FOXO3: variants seen among roughly 807,000 people sequenced by gnomAD.
FOXO3 encodes forkhead box protein O3.
FOXO3 carries 4 observed loss-of-function variants against 41.9 expected under a neutral mutation model. The ratio of observed to expected loss-of-function variants is 0.10; its 90% confidence interval spans 0.05 to 0.22. FOXO3 has a LOEUF of 0.22. FOXO3 is among the 10% of genes least tolerant of loss of function. The probability of loss-of-function intolerance (pLI) is 1.00; values close to 1 mark genes in which losing one functional copy is unlikely to be tolerated. For missense variants in FOXO3, 534 were observed against 906.8 expected, an observed-to-expected ratio of 0.59 and a Z score of 5.28; for synonymous variants, 318 against 389.3, an observed-to-expected ratio of 0.82 and a Z score of 2.16.
chr6:108,587,984 C>T (rs1029679529), intron 1 of FOXO3, among the ~76,000 whole-genome samples: 2 of 152,212 alleles, frequency 1.3e-5, no homozygotes, highest in African/African-American at 2.4e-5. Context: ...GTCTGTGTAG[C>T]GTCCTTCCTA....
chr6:108,655,822 C>T (rs1283997920), intron 1 of FOXO3, among the ~76,000 whole-genome samples: 1 of 152,084 alleles, frequency 6.6e-6, no homozygotes. Flanking sequence ...TTGGGCTGTT[C>T]AAAAAACCTT....
At chr6:108,638,235 T>G (rs575923865) in intron 1 of FOXO3, among the ~76,000 whole-genome samples, 1 of 152,208 alleles carries the variant, frequency 6.6e-6, no homozygotes, top group Non-Finnish European at 1.5e-5. Context: ...CCCCACAGAC[T>G]CTTGGTAGGG....
At chr6:108,653,778 A>C (rs1190787686) in intron 1 of FOXO3, among the ~76,000 whole-genome samples, 1 of 152,246 alleles carries the variant, frequency 6.6e-6, no homozygotes, top group Non-Finnish European at 1.5e-5. Context: ...AAAAAGGTGC[A>C]GCCTTATTTT....
chr6:108,641,157 A>G (rs1185508927), intron 1 of FOXO3, among the ~76,000 whole-genome samples: 1 of 152,076 alleles, frequency 6.6e-6, no homozygotes, highest in South Asian at 2.1e-4. Flanking sequence ...CGATCTGCCC[A>G]CCTTGGCCTC....
rs907508138 is a variant in FOXO3 at position 108,682,880 on chromosome 6, A to G, written c.*3088A>G. 15 of 152,642 alleles carry G rather than the reference A, an allele frequency of 9.8e-5. No homozygotes were observed. The highest frequency in any genetic ancestry group is 9.8e-4 in the Admixed American group (15 of 15,288). 9.5% of individuals were successfully genotyped at this position (152,642 alleles called of 1,614,324 possible). The stretch of plus-strand genomic sequence containing the variant: ...GGGAGCCGCCTACTTTTTGATGAGA[A>G]ATTAGAAGAGTACCTAATGTTGAAA... On this transcript the variant is annotated 3_prime_UTR_variant, in exon 3 of 3. Coordinates refer to ENST00000406360, the MANE Select transcript of FOXO3 (RefSeq NM_001455.4).
Position 108,682,821 on chromosome 6 carries a change from G to A in FOXO3, c.*3029G>A, listed in dbSNP as rs1374610213. 6.6e-6 allele frequency: 1 copy of A among 152,478 alleles called. No homozygotes were observed. 9.4% of individuals were successfully genotyped at this position (152,478 alleles called of 1,614,324 possible). On this transcript the variant is annotated 3_prime_UTR_variant, in exon 3 of 3. Coordinates refer to ENST00000406360, the MANE Select transcript of FOXO3 (RefSeq NM_001455.4). ...GTTTGATTTATGATGAGAACTATCC[G>A]AGGCCACCCTTGGCCTCTAAATAAG...
At chr6:108,661,438 G>A (rs1435130337) in intron 1 of FOXO3, among the ~76,000 whole-genome samples, 1 of 152,054 alleles carries the variant, frequency 6.6e-6, no homozygotes, top group Non-Finnish European at 1.5e-5. Flanking sequence ...TGGCCTGCAG[G>A]TACTGTTCCG....
At chr6:108,662,878 A>G (rs1778909364) in intron 1 of FOXO3, among the ~76,000 whole-genome samples, 1 of 152,194 alleles carries the variant, frequency 6.6e-6, no homozygotes, top group African/African-American at 2.4e-5. Flanking sequence ...AATTACAGAA[A>G]GGCCAGGAAT....
At chr6:108,667,372 T>C (rs1481826831) in intron 2 of FOXO3, among the ~76,000 whole-genome samples, 1 of 152,234 alleles carries the variant, frequency 6.6e-6, no homozygotes, top group Non-Finnish European at 1.5e-5. Flanking sequence ...TGTTTGGCTT[T>C]TAAAAGAATA....
intron 1 of FOXO3, among the ~76,000 whole-genome samples, chr6:108,614,853 T>G (rs192466415): frequency 1.7e-4 from 26 of 152,260 alleles, no homozygotes; most frequent in Middle Eastern, 3.4e-3. Flanking sequence ...CCCCTTTTCT[T>G]GCCTTCTCTT....
chr6:108,591,755 G>A (rs1776738123), intron 1 of FOXO3, among the ~76,000 whole-genome samples: 1 of 152,118 alleles, frequency 6.6e-6, no homozygotes, highest in Non-Finnish European at 1.5e-5. Context: ...TGTTTCTGAA[G>A]CCGAGATTTT....
At chr6:108,662,119 C>T (rs1778884125) in intron 1 of FOXO3, among the ~76,000 whole-genome samples, 1 of 152,082 alleles carries the variant, frequency 6.6e-6, no homozygotes, top group Non-Finnish European at 1.5e-5. Context: ...GTCATATCTC[C>T]TTAGGCTCTT....
rs1775764371 is a variant in FOXO3, at chr6:108,560,969, C to T, written c.-240C>T. 1.2e-5 allele frequency: 16 copies of T among 1,338,282 alleles called. No homozygotes were observed. The highest frequency in any genetic ancestry group is 3.1e-5 in the African/African-American group (2 of 64,684). The allele number at this position is 1,338,282 out of a possible 1,614,324, so 82.9% of individuals were successfully genotyped here. A position where few individuals can be genotyped will look rare whatever the true frequency, so the allele number is the denominator to read the frequency against. On this transcript the variant is annotated 5_prime_UTR_variant, in exon 1 of 3. Coordinates refer to ENST00000406360, the MANE Select transcript of FOXO3 (RefSeq NM_001455.4). Reference sequence around the variant, plus strand: ...CGCACGTCTTCAGGTCCTCCTGTTCCTGGGAGGCGGGCGCGGCAGGACTGG... The same window carrying T: ...CGCACGTCTTCAGGTCCTCCTGTTCTTGGGAGGCGGGCGCGGCAGGACTGG...
At chr6:108,670,807 TG>T (rs1779195222) in intron 2 of FOXO3, among the ~76,000 whole-genome samples, 1 of 152,178 alleles carries the variant, frequency 6.6e-6, no homozygotes, top group African/African-American at 2.4e-5. Context: ...CTGAGTTTTT[TG>T]TATGACCTTG....
intron 2 of FOXO3, among the ~76,000 whole-genome samples, chr6:108,673,912 C>A (rs1770466160): frequency 6.6e-6 from 1 of 152,132 alleles, no homozygotes; most frequent in South Asian, 2.1e-4. Context: ...AAAGGTGAAT[C>A]ACTTTATTGA....
intron 1 of FOXO3, among the ~76,000 whole-genome samples, chr6:108,573,784 A>G (rs1776180378): frequency 6.6e-6 from 1 of 152,010 alleles, no homozygotes; most frequent in Non-Finnish European, 1.5e-5. Context: ...AGCCAAGATC[A>G]CACCATTTTA....
chr6:108,623,502 C>T (rs1777729887), intron 1 of FOXO3, among the ~76,000 whole-genome samples: 1 of 152,102 alleles, frequency 6.6e-6, no homozygotes, highest in Non-Finnish European at 1.5e-5. Flanking sequence ...CATTGAGGGC[C>T]CCCAGGCTAG....
At chr6:108,580,183 A>ATTT (rs11395032) in intron 1 of FOXO3, among the ~76,000 whole-genome samples, 5,785 of 92,912 alleles carry the variant, frequency 0.062, 437 homozygotes, top group Middle Eastern at 0.13. Context: ...GCTCTTCTTC[A>ATTT]TTTTTTTTTT....
intron 2 of FOXO3, among the ~76,000 whole-genome samples, chr6:108,673,946 C>A (rs1770468725): frequency 6.6e-6 from 1 of 152,144 alleles, no homozygotes; most frequent in African/African-American, 2.4e-5. Context: ...CTTAGAGTAG[C>A]AAGACTCTTA....
Sources: gnomAD v4.1 joint callset for allele counts (sites outside exome capture counted in the v4.1 genomes callset) on GRCh38, gnomAD v4.1.1 for gene constraint, MANE v1.5 for transcripts, NCBI Gene and HGNC (gene_info 2026-07-23, HGNC 2026-07-21) for gene names.